The following PTPRT variants were observed in gnomAD, a reference collection of about 807,000 sequenced individuals.
PTPRT encodes protein tyrosine phosphatase receptor type T.
In PTPRT, 56 loss-of-function variants were observed where a neutral mutation model predicts 176.8. That is an observed-to-expected ratio of 0.32 (90% CI 0.26 to 0.40). The LOEUF is 0.40. PTPRT is among the 10% of genes least tolerant of loss of function. PTPRT has a pLI of 1.00. For missense variants in PTPRT, 1,540 were observed against 1,908.2 expected, an observed-to-expected ratio of 0.81 and a Z score of 3.60; for synonymous variants, 783 against 739.0, an observed-to-expected ratio of 1.06 and a Z score of -0.96.
At chr20:42,377,521 C>T (rs912846327) in intron 9 of PTPRT, among the ~76,000 whole-genome samples, 1 of 152,230 alleles carries the variant, frequency 6.6e-6, no homozygotes, top group Non-Finnish European at 1.5e-5. Flanking sequence ...GCATTTCAAA[C>T]ACATTCCCAG....
intron 1 of PTPRT, among the ~76,000 whole-genome samples, chr20:43,063,882 A>G (rs374671366): frequency 2.0e-5 from 3 of 152,156 alleles, no homozygotes; most frequent in Non-Finnish European, 4.4e-5. Flanking sequence ...TGGACTCAAC[A>G]TGAGTTCAGA....
intron 6 of PTPRT, among the ~76,000 whole-genome samples, chr20:42,728,710 A>G (rs539642469): frequency 6.6e-6 from 1 of 152,346 alleles, no homozygotes; most frequent in East Asian, 1.9e-4. Context: ...CGAAGGGACA[A>G]TGACCACGGG....
intron 1 of PTPRT, among the ~76,000 whole-genome samples, chr20:42,954,414 A>G (rs73907429): frequency 0.077 from 11,649 of 152,144 alleles, 1,294 homozygotes; most frequent in African/African-American, 0.24. Context: ...CCCCTGGTCC[A>G]GGAGGACAGC....
At chr20:43,084,645 T>C (rs1159633715) in intron 1 of PTPRT, among the ~76,000 whole-genome samples, 1 of 152,204 alleles carries the variant, frequency 6.6e-6, no homozygotes, top group Non-Finnish European at 1.5e-5. Flanking sequence ...TGCCAACACA[T>C]GCTTTTAATC....
chr20:42,101,667 C>T (rs1440890483), intron 26 of PTPRT, among the ~76,000 whole-genome samples: 1 of 152,218 alleles, frequency 6.6e-6, no homozygotes, highest in South Asian at 2.1e-4. Context: ...GTGCGCCATC[C>T]TCATTTTTGT....
intron 1 of PTPRT, among the ~76,000 whole-genome samples, chr20:43,106,214 C>G (rs1304062645): frequency 6.6e-6 from 1 of 152,202 alleles, no homozygotes; most frequent in African/African-American, 2.4e-5. Flanking sequence ...ACCACCTGCC[C>G]TCTCTAAGCC....
intron 1 of PTPRT, among the ~76,000 whole-genome samples, chr20:42,928,518 G>A (rs181467659): frequency 1.3e-5 from 2 of 152,156 alleles, no homozygotes; most frequent in Non-Finnish European, 2.9e-5. Flanking sequence ...GTCATATGTC[G>A]GGGTGAGTGA....
At chr20:42,387,538 G>A (rs2058756290) in intron 9 of PTPRT, among the ~76,000 whole-genome samples, 1 of 152,144 alleles carries the variant, frequency 6.6e-6, no homozygotes, top group African/African-American at 2.4e-5. Context: ...TTTGTTTTGT[G>A]TTATTATTTG....
chr20:42,572,149 G>T (rs1025061289), intron 7 of PTPRT, among the ~76,000 whole-genome samples: 6 of 152,058 alleles, frequency 3.9e-5, no homozygotes, highest in Non-Finnish European at 8.8e-5. Flanking sequence ...GAGGCCGGGG[G>T]CTCCCTCAAA....
At chr20:42,776,950 G>A (rs1179449709) in intron 4 of PTPRT, among the ~76,000 whole-genome samples, 1 of 151,802 alleles carries the variant, frequency 6.6e-6, no homozygotes, top group Non-Finnish European at 1.5e-5. Context: ...AGTCCATGAA[G>A]ACAGACAGTC....
At chr20:42,461,071 T>C (rs1300172742) in intron 8 of PTPRT, among the ~76,000 whole-genome samples, 1 of 152,214 alleles carries the variant, frequency 6.6e-6, no homozygotes, top group Non-Finnish European at 1.5e-5. Context: ...CTCATGCCTA[T>C]AATCCCAGCA....
rs6030357 is a variant in PTPRT, at chr20:42,601,778, C to T, written c.1153+76088G>A. On this transcript the variant is annotated intron_variant, in intron 7 of 30. Transcript: ENST00000373187. Reference sequence around the variant, plus strand: ...TAATGAATAAATAAATGTCCCTTTGCATCATGACCTTAGTTTTCTCATCTG... The same window carrying T: ...TAATGAATAAATAAATGTCCCTTTGTATCATGACCTTAGTTTTCTCATCTG... Among the ~76,000 whole-genome samples the T allele has an allele frequency of 1.1e-3, 162 of 152,288 alleles. 1 individual carries two copies. The highest frequency in any genetic ancestry group is 3.7e-3 in the African/African-American group (152 of 41,554).
In PTPRT at chr20:42,084,897, T is replaced by C. The variant is rs374108138; in HGVS notation, c.3973-52A>G. On this transcript the variant is annotated intron_variant, in intron 28 of 30. Transcript: ENST00000373187. ...GTTCTGCTGGGGATGCTTGCGTACA[T>C]GCACCTTGCAGATACCCCGGGGACT... 252 of 1,341,362 alleles carry C rather than the reference T, an allele frequency of 1.9e-4. 2 individuals are homozygous for C. Among genetic ancestry groups the C allele is most frequent in the Non-Finnish European group, 1.5e-4 (154 of 1,032,020 alleles). The allele number at this position is 1,341,362 out of a possible 1,614,324, so 83.1% of individuals were successfully genotyped here.
intron 15 of PTPRT, among the ~76,000 whole-genome samples, chr20:42,207,343 T>C (rs1271514924): frequency 1.3e-5 from 2 of 149,854 alleles, no homozygotes; most frequent in South Asian, 2.1e-4. Context: ...CAAATTACTC[T>C]GAGCTACAGG....
intron 16 of PTPRT, among the ~76,000 whole-genome samples, chr20:42,175,302 C>T (rs1405565053): frequency 6.6e-6 from 1 of 152,096 alleles, no homozygotes; most frequent in African/African-American, 2.4e-5. Flanking sequence ...CTGTCCTTTC[C>T]CCTCTAGGCT....
chr20:42,520,370 C>T (rs945086348), intron 7 of PTPRT, among the ~76,000 whole-genome samples: 3 of 152,136 alleles, frequency 2.0e-5, no homozygotes, highest in African/African-American at 4.8e-5. Context: ...GTAACATACC[C>T]TTTTCGGCCC....
At chr20:42,456,533 C>T (rs2070928592) in intron 8 of PTPRT, among the ~76,000 whole-genome samples, 1 of 151,832 alleles carries the variant, frequency 6.6e-6, no homozygotes, top group Admixed American at 6.6e-5. Context: ...ATTTTTATTC[C>T]AGGCATACAA....
intron 7 of PTPRT, among the ~76,000 whole-genome samples, chr20:42,524,343 T>C (rs983652686): frequency 6.6e-6 from 1 of 152,214 alleles, no homozygotes; most frequent in Non-Finnish European, 1.5e-5. Context: ...GAGATTTTAT[T>C]GGCAATTTAC....
At chr20:42,430,533 G>A (rs1210975619) in intron 9 of PTPRT, among the ~76,000 whole-genome samples, 1 of 152,188 alleles carries the variant, frequency 6.6e-6, no homozygotes. Context: ...TCTTCTGCAG[G>A]TAGGCTAACA....
Sources: allele counts gnomAD v4.1 joint callset (sites outside exome capture counted in the v4.1 genomes callset), GRCh38; gene constraint gnomAD v4.1.1; transcripts MANE v1.5; gene names NCBI Gene and HGNC (gene_info 2026-07-23, HGNC 2026-07-21).